Variants in DENND11 observed in about 807,000 individuals in gnomAD.
DENND11 encodes DENN domain-containing protein 11.
DENND11 carries 34 observed loss-of-function variants against 49.2 expected under a neutral mutation model. The observed-to-expected ratio is 0.69, with a 90% CI of 0.53 to 0.92. The LOEUF (loss-of-function observed/expected upper bound fraction) is 0.92. DENND11 is among the 40% of genes least tolerant of loss of function. The pLI is 0.00. For synonymous variants in DENND11, 238 were observed against 230.3 expected (o/e 1.03, Z -0.30); for missense variants, 475 against 581.6 (o/e 0.82, Z 1.88).
intron 1 of DENND11, among the ~76,000 whole-genome samples, chr7:141,693,652 C>T (rs1052812083): frequency 1.3e-5 from 2 of 152,116 alleles, no homozygotes; most frequent in Non-Finnish European, 2.9e-5. Flanking sequence ...AGGAAATACT[C>T]TATAGCAATA....
At chr7:141,693,279 C>T (rs980865933) in intron 1 of DENND11, among the ~76,000 whole-genome samples, 6 of 152,206 alleles carry the variant, frequency 3.9e-5, no homozygotes, top group South Asian at 2.1e-4. Context: ...ATGCTCATTA[C>T]GCAATTGCAA....
At chr7:141,693,193 G>A (rs1412508270) in intron 1 of DENND11, among the ~76,000 whole-genome samples, 1 of 152,180 alleles carries the variant, frequency 6.6e-6, no homozygotes, top group Non-Finnish European at 1.5e-5. Context: ...TTTTAAAAGG[G>A]TAAAAGATCT....
rs1035084526 is a variant in DENND11, at chr7:141,696,710, CAA to C, written c.268+5174_268+5175del. Among the ~76,000 whole-genome samples the C allele has an allele frequency of 1.2e-3, 178 of 152,334 alleles. 1 individual carries two copies. Among genetic ancestry groups the C allele is most frequent in the African/African-American group, 4.1e-3 (171 of 41,572 alleles). On this transcript the variant is annotated intron_variant, in intron 1 of 8. Transcript: ENST00000536163. Reference sequence around the variant, plus strand: ...CTGTTTCAGGAATAAAGGCATGAATCAAAGAGTATTCTAGGTCCCAACAATAC... The same window carrying C: ...CTGTTTCAGGAATAAAGGCATGAATCAGAGTATTCTAGGTCCCAACAATAC...
intron 8 of DENND11, 108 bp downstream of exon 8, chr7:141,664,064 C>A: frequency 2.1e-6 from 2 of 930,862 alleles, no homozygotes; most frequent in Non-Finnish European, 1.6e-6. Flanking sequence ...CCCTTGGCAG[C>A]AATAAACGGC....
At chr7:141,696,023 C>A (rs1012368633) in intron 1 of DENND11, among the ~76,000 whole-genome samples, 2 of 152,230 alleles carry the variant, frequency 1.3e-5, no homozygotes, top group African/African-American at 4.8e-5. Flanking sequence ...AAATATGTCT[C>A]TGTTTAAAGG....
chr7:141,664,930 C>T lies in DENND11; in HGVS notation c.1077G>A (p.Glu359=), dbSNP rs1797865980. The stretch of plus-strand genomic sequence containing the variant: ...TCTGCTCGTTGAGCCGGCGGTACTT[C>T]TCCCTGTCAGCACTGTTGATCTTCA... ...PLLKINSADR[E]KYRRLNEQRQ... Residue 359 remains glutamate (E), a synonymous_variant, in exon 7 of 9, where the codon GAG becomes GAA. Transcript: ENST00000536163. The T allele has an allele frequency of 6.2e-7, 1 of 1,612,968 alleles. No homozygotes were observed. Among genetic ancestry groups the T allele is most frequent in the South Asian group, 1.1e-5 (1 of 90,772 alleles).
chr7:141,690,079 G>T (rs1427000823), intron 1 of DENND11, among the ~76,000 whole-genome samples: 1 of 152,198 alleles, frequency 6.6e-6, no homozygotes, highest in East Asian at 1.9e-4. Context: ...TTCCAGCTGA[G>T]ATTTGGAAGT....
Position 141,664,972 on chromosome 7 carries a change from G to A in DENND11, c.1035C>T (p.Asp345=), listed in dbSNP as rs1273020687. 2 of 1,613,820 alleles carry A rather than the reference G, an allele frequency of 1.2e-6. No homozygotes were observed. Among genetic ancestry groups the A allele is most frequent in the African/African-American group, 1.3e-5 (1 of 75,046 alleles). Reference sequence around the variant, plus strand: ...TGATCTTCAGCAGCGGCTGCAGGTGGTCGTGGTGTGTCTTCACATTCTGGT... The same window carrying A: ...TGATCTTCAGCAGCGGCTGCAGGTGATCGTGGTGTGTCTTCACATTCTGGT... ...VDNQNVKTHH[D]HLQPLLKINS... is the part of the protein sequence containing the mutation. The change falls in exon 7 of 9, where the codon GAC becomes GAT. Residue 345 remains aspartate, a synonymous_variant. Coordinates refer to ENST00000536163, the MANE Select transcript of DENND11 (RefSeq NM_001080392.2).
intron 1 of DENND11, among the ~76,000 whole-genome samples, chr7:141,690,358 T>C (rs1584724753): frequency 6.6e-6 from 1 of 152,178 alleles, no homozygotes. Context: ...TTCCCACCTA[T>C]CTTCATGAGT....
At chr7:141,670,998 C>G (rs2117057775) in intron 4 of DENND11, among the ~76,000 whole-genome samples, 1 of 152,308 alleles carries the variant, frequency 6.6e-6, no homozygotes, top group Non-Finnish European at 1.5e-5. Flanking sequence ...CGTTGCTATT[C>G]TCACACAAAT....
chr7:141,691,673 C>T (rs1798328408), intron 1 of DENND11, among the ~76,000 whole-genome samples: 1 of 152,182 alleles, frequency 6.6e-6, no homozygotes, highest in South Asian at 2.1e-4. Context: ...GCACAGGCTC[C>T]AGAACACCAC....
At chr7:141,673,543 C>T (rs918045829) in intron 4 of DENND11, among the ~76,000 whole-genome samples, 1 of 152,192 alleles carries the variant, frequency 6.6e-6, no homozygotes, top group Non-Finnish European at 1.5e-5. Context: ...CTGTGACCAA[C>T]CACAGGAGAC....
chr7:141,693,202 C>G (rs1798353298), intron 1 of DENND11, among the ~76,000 whole-genome samples: 1 of 152,128 alleles, frequency 6.6e-6, no homozygotes, highest in Non-Finnish European at 1.5e-5. Flanking sequence ...GGTAAAAGAT[C>G]TGAACAGACA....
At position 141,673,964 on chromosome 7, in the gene DENND11, A is replaced by G. The variant is rs1182444347; in HGVS notation, c.681+103T>C. Reference sequence around the variant, plus strand: ...GTTCTATCAAAAGTAGACATTTTGTATGATCCAAAGACATAAATTTTTTAT... The same window carrying G: ...GTTCTATCAAAAGTAGACATTTTGTGTGATCCAAAGACATAAATTTTTTAT... On this transcript the variant is annotated intron_variant, in intron 4 of 8. Coordinates refer to ENST00000536163, the MANE Select transcript of DENND11 (RefSeq NM_001080392.2). 8 of 1,354,850 alleles carry G rather than the reference A, an allele frequency of 5.9e-6. No individual in the cohort carries two copies. In the South Asian group the frequency reaches 1.0e-4, roughly 17 times the overall value. The allele number at this position is 1,354,850 out of a possible 1,614,324, so 83.9% of individuals were successfully genotyped here.
intron 2 of DENND11, 92 bp downstream of exon 2, chr7:141,686,467 C>T (rs1245191338): frequency 1.4e-5 from 11 of 781,346 alleles, no homozygotes; most frequent in East Asian, 1.1e-4. Context: ...ACACAGCACA[C>T]GAAGACCTCC....
chr7:141,666,691 A>T (rs1325147928), intron 4 of DENND11, among the ~76,000 whole-genome samples: 1 of 152,220 alleles, frequency 6.6e-6, no homozygotes, highest in Non-Finnish European at 1.5e-5. Context: ...TGCAAAGGAA[A>T]CAAAGCTAAA....
chr7:141,660,160 TAA>T lies in DENND11; in HGVS notation c.*2494_*2495del, dbSNP rs1366021714. On this transcript the variant is annotated 3_prime_UTR_variant, in exon 9 of 9. Coordinates refer to ENST00000536163, the MANE Select transcript of DENND11 (RefSeq NM_001080392.2). The stretch of plus-strand genomic sequence containing the variant: ...ACAGTGGCAAAGGTAACTGAAGAGA[TAA>T]AGCACACGCTGTTCAGCCAAGCAGA... The T allele has an allele frequency of 3.3e-5, 5 of 152,188 alleles. No homozygotes were observed. Among genetic ancestry groups the T allele is most frequent in the Non-Finnish European group, 5.9e-5 (4 of 68,050 alleles). 9.4% of individuals were successfully genotyped at this position (152,188 alleles called of 1,614,324 possible).
chr7:141,664,310 AG>A (rs1355300477), intron 7 of DENND11, 70 bp from the exon 8 acceptor site: 1 of 1,237,008 alleles, frequency 8.1e-7, no homozygotes, highest in Non-Finnish European at 1.2e-6. Flanking sequence ...GGCCTCAGCC[AG>A]GCATCTTCAA....
intron 1 of DENND11, among the ~76,000 whole-genome samples, chr7:141,694,061 T>A (rs1287939540): frequency 6.6e-6 from 1 of 152,188 alleles, no homozygotes; most frequent in East Asian, 1.9e-4. Context: ...ATTATATGTG[T>A]ATGAGTGAGG....
Sources: gnomAD v4.1 joint callset for allele counts (sites outside exome capture counted in the v4.1 genomes callset) on GRCh38, gnomAD v4.1.1 for gene constraint, MANE v1.5 for transcripts, NCBI Gene and HGNC (gene_info 2026-07-23, HGNC 2026-07-21) for gene names.